Variants in SMIM41 observed in about 807,000 individuals in gnomAD.
The protein encoded by SMIM41 is small integral membrane protein 41.
intron 2 of SMIM41, among the ~76,000 whole-genome samples, chr12:52,103,038 C>T (rs1940250904): frequency 6.6e-6 from 1 of 152,182 alleles, no homozygotes; most frequent in East Asian, 1.9e-4. Context: ...AAAAGGCAGG[C>T]ACTTCTGGCC....
At chr12:52,097,426 T>G (rs987499069) in intron 2 of SMIM41, among the ~76,000 whole-genome samples, 7 of 149,698 alleles carry the variant, frequency 4.7e-5, no homozygotes, top group Admixed American at 2.7e-4. Context: ...CCTACCCCCC[T>G]TCCCCATGGA....
chr12:52,086,578 G>A (rs1939896015), intron 2 of SMIM41, among the ~76,000 whole-genome samples: 1 of 152,206 alleles, frequency 6.6e-6, no homozygotes, highest in Non-Finnish European at 1.5e-5. Context: ...AGGCTTCTGT[G>A]AGTCCTGCCA....
rs1040027186 is a variant in SMIM41 at position 52,081,686 on chromosome 12, T to C, written c.*120+1505T>C. ...ACTTCCTCTCTTGATTGTACCCGGTTTCACCCAGCTGCCTTGCCTGTCACC... is the reference window on the plus strand; with the variant it reads ...ACTTCCTCTCTTGATTGTACCCGGTCTCACCCAGCTGCCTTGCCTGTCACC... On this transcript the variant is annotated intron_variant, in intron 1 of 2. Coordinates refer to ENST00000546390, the MANE Select transcript of SMIM41 (RefSeq NM_001369216.1). This position sits in a 1 kb window ranked among gnomAD's most constrained non-coding sequence, Gnocchi z 4.1. Among the ~76,000 whole-genome samples, 16 of 152,270 alleles carry C rather than the reference T, an allele frequency of 1.1e-4. No homozygotes were observed. The highest frequency in any genetic ancestry group is 3.3e-4 in the Admixed American group (5 of 15,302).
chr12:52,086,709 C>A (rs1022301253), intron 2 of SMIM41, among the ~76,000 whole-genome samples: 1 of 152,160 alleles, frequency 6.6e-6, no homozygotes. Flanking sequence ...TATGGCCATG[C>A]CTTCTACTCT....
At chr12:52,103,259 G>A (rs528905917) in intron 2 of SMIM41, among the ~76,000 whole-genome samples, 1 of 151,332 alleles carries the variant, frequency 6.6e-6, no homozygotes, top group African/African-American at 2.4e-5. Flanking sequence ...CCCGGGAGGT[G>A]GAGGTTGCAG....
chr12:52,082,349 G>T lies in SMIM41; in HGVS notation c.*121-1545G>T, dbSNP rs572812189. Among the ~76,000 whole-genome samples, 90 of 152,306 alleles carry T rather than the reference G, an allele frequency of 5.9e-4. 1 individual carries two copies. The highest frequency in any genetic ancestry group is 1.3e-4 in the Non-Finnish European group (9 of 68,024). ...CTCACACCCAGGACAGGGCTGGGGC[G>T]GGGGTGTAGAGGTGGGGGCAAAGGC... is the stretch of plus-strand genomic sequence containing the variant. On this transcript the variant is annotated intron_variant, in intron 1 of 2. Coordinates refer to ENST00000546390, the MANE Select transcript of SMIM41 (RefSeq NM_001369216.1).
At chr12:52,096,671 T>A (rs1412675094) in intron 2 of SMIM41, among the ~76,000 whole-genome samples, 2 of 151,812 alleles carry the variant, frequency 1.3e-5, no homozygotes, top group Non-Finnish European at 2.9e-5. Context: ...ATAATTAATA[T>A]TAATTTATTG....
intron 2 of SMIM41, among the ~76,000 whole-genome samples, chr12:52,106,744 C>T (rs200528838): frequency 1.3e-5 from 2 of 152,214 alleles, no homozygotes; most frequent in East Asian, 3.8e-4. Context: ...AGCAATTACT[C>T]TCTTGAAGGA....
At chr12:52,092,360 A>T (rs1940020911) in intron 2 of SMIM41, 1 of 152,238 alleles carries the variant, frequency 6.6e-6, no homozygotes, top group South Asian at 2.1e-4. Flanking sequence ...GTTATGTCCC[A>T]CTTCTCCTCC....
chr12:52,083,689 G>A (rs1939849726), intron 1 of SMIM41, among the ~76,000 whole-genome samples: 1 of 152,206 alleles, frequency 6.6e-6, no homozygotes, highest in Admixed American at 6.5e-5. Flanking sequence ...CTTTGAGATG[G>A]GAGTGGGTAT....
In SMIM41 at chr12:52,093,375, G is replaced by A. The variant is rs58913963; in HGVS notation, c.*195+9407G>A. Among the ~76,000 whole-genome samples the A allele has an allele frequency of 2.6e-3, 399 of 152,272 alleles. 3 individuals carry two copies. Among genetic ancestry groups the A allele is most frequent in the African/African-American group, 9.2e-3 (383 of 41,550 alleles). On this transcript the variant is annotated intron_variant, in intron 2 of 2. Transcript: ENST00000546390. ...TACCCAAACTTTGTTGTACTCTGTG[G>A]TTCCGGCAACTTGGCTGGTTTTCCT...
intron 2 of SMIM41, among the ~76,000 whole-genome samples, chr12:52,084,315 C>CA (rs1939861188): frequency 1.3e-5 from 2 of 151,660 alleles, no homozygotes; most frequent in South Asian, 4.2e-4. Context: ...CGTGCCACTA[C>CA]ACTCCAGCCT....
At chr12:52,085,374 G>A (rs539632951) in intron 2 of SMIM41, among the ~76,000 whole-genome samples, 1 of 152,312 alleles carries the variant, frequency 6.6e-6, no homozygotes, top group South Asian at 2.1e-4. Context: ...ACAAGGCCCT[G>A]AACCTCTCTG....
intron 2 of SMIM41, among the ~76,000 whole-genome samples, chr12:52,085,733 CTTGGG>C (rs553390523): frequency 2.0e-5 from 3 of 152,086 alleles, no homozygotes; most frequent in African/African-American, 7.2e-5. Context: ...ACATGCTGTA[CTTGGG>C]TTGGGGTAGA....
At chr12:52,101,300 C>T (rs532418533) in intron 2 of SMIM41, among the ~76,000 whole-genome samples, 3 of 152,114 alleles carry the variant, frequency 2.0e-5, no homozygotes, top group Non-Finnish European at 4.4e-5. Flanking sequence ...TGACGTGTGC[C>T]TGTAGTCTCA....
chr12:52,089,347 C>G (rs369583156), intron 2 of SMIM41, among the ~76,000 whole-genome samples: 1 of 152,082 alleles, frequency 6.6e-6, no homozygotes, highest in African/African-American at 2.4e-5. Flanking sequence ...ATAATCCCAG[C>G]ACTTTGGAAG....
intron 2 of SMIM41, among the ~76,000 whole-genome samples, chr12:52,098,733 A>AAGG (rs1940152998): frequency 1.3e-5 from 1 of 74,230 alleles, no homozygotes; most frequent in Non-Finnish European, 2.6e-5. Flanking sequence ...GAACAATATC[A>AAGG]CGGGGGGGGG....
At chr12:52,088,336 G>T (rs1292298703) in intron 2 of SMIM41, among the ~76,000 whole-genome samples, 1 of 152,182 alleles carries the variant, frequency 6.6e-6, no homozygotes, top group Non-Finnish European at 1.5e-5. Flanking sequence ...CCTGTGAGGT[G>T]ACTTCAGCCA....
At chr12:52,096,594 TAGG>T (rs1375120326) in intron 2 of SMIM41, among the ~76,000 whole-genome samples, 1 of 151,822 alleles carries the variant, frequency 6.6e-6, no homozygotes, top group Non-Finnish European at 1.5e-5. Flanking sequence ...TAGTAATTAT[TAGG>T]AGCTAATATT....
Sources: allele counts gnomAD v4.1 joint callset (sites outside exome capture counted in the v4.1 genomes callset), GRCh38; gene constraint gnomAD v4.1.1; non-coding constraint Gnocchi (gnomAD v3.1); transcripts MANE v1.5; gene names NCBI Gene and HGNC (gene_info 2026-07-23, HGNC 2026-07-21).